The following CAMK1D variants were observed in gnomAD, a reference collection of about 807,000 sequenced individuals.
CAMK1D encodes calcium/calmodulin dependent protein kinase ID.
CAMK1D carries 9 observed loss-of-function variants against 47.7 expected under a neutral mutation model. That is an observed-to-expected ratio of 0.19 (90% CI 0.11 to 0.33). The LOEUF (loss-of-function observed/expected upper bound fraction) is 0.33, where lower values mean the gene tolerates loss of function less well. Ranked by LOEUF, CAMK1D falls within the 10% of genes least tolerant of loss-of-function variation. The pLI, the probability that CAMK1D is intolerant of heterozygous loss-of-function variation, is 1.00. For missense variants in CAMK1D, 291 were observed against 488.7 expected, an observed-to-expected ratio of 0.60 and a Z score of 3.81; for synonymous variants, 184 against 184.9, an observed-to-expected ratio of 0.99 and a Z score of 0.04.
chr10:12,444,873 G>A (rs1426861963), intron 1 of CAMK1D, among the ~76,000 whole-genome samples: 1 of 152,192 alleles, frequency 6.6e-6, no homozygotes, highest in African/African-American at 2.4e-5. Context: ...AGATTAGACA[G>A]TAAAGGTGCC....
rs148735631 is a variant in CAMK1D, at chr10:12,375,880, C to T, written c.92+25970C>T. 7.2e-5 allele frequency among the ~76,000 whole-genome samples: 11 copies of T among 152,090 alleles called. No individual in the cohort carries two copies. The East Asian group carries it at 2.1e-3, about 29-fold the overall frequency. ...CCGATTTCTCTAAAACCAGAGCATGCAGCCGGGCACGGTGGCTCACACCTA... is the reference window on the plus strand; with the variant it reads ...CCGATTTCTCTAAAACCAGAGCATGTAGCCGGGCACGGTGGCTCACACCTA... On this transcript the variant is annotated intron_variant, in intron 1 of 10. Coordinates refer to ENST00000619168, the MANE Select transcript of CAMK1D (RefSeq NM_153498.4).
intron 2 of CAMK1D, among the ~76,000 whole-genome samples, chr10:12,563,794 A>G (rs1837031915): frequency 6.6e-6 from 1 of 152,190 alleles, no homozygotes; most frequent in Admixed American, 6.5e-5. Flanking sequence ...TATACTATAC[A>G]TATTACTCTG....
At chr10:12,678,435 G>A (rs1171825248) in intron 3 of CAMK1D, among the ~76,000 whole-genome samples, 1 of 152,148 alleles carries the variant, frequency 6.6e-6, no homozygotes, top group Non-Finnish European at 1.5e-5. Flanking sequence ...TATTCCACAC[G>A]AACTTGAGAA....
intron 3 of CAMK1D, among the ~76,000 whole-genome samples, chr10:12,690,083 G>GT (rs1274688758): frequency 6.6e-6 from 1 of 152,200 alleles, no homozygotes; most frequent in African/African-American, 2.4e-5. Flanking sequence ...CTCTGTGGCT[G>GT]TGGCTGGTCA....
intron 2 of CAMK1D, among the ~76,000 whole-genome samples, chr10:12,641,095 G>A (rs1245516630): frequency 2.0e-5 from 3 of 151,844 alleles, no homozygotes; most frequent in Admixed American, 1.3e-4. Flanking sequence ...TCAGCCTCCC[G>A]AGTAGCTAGG....
At chr10:12,660,257 T>C (rs1840237617) in intron 2 of CAMK1D, among the ~76,000 whole-genome samples, 1 of 152,216 alleles carries the variant, frequency 6.6e-6, no homozygotes, top group Non-Finnish European at 1.5e-5. Flanking sequence ...TGTGCTTTGC[T>C]TTTTCTTTCT....
chr10:12,721,020 G>T (rs1834347441), intron 3 of CAMK1D, among the ~76,000 whole-genome samples: 1 of 152,208 alleles, frequency 6.6e-6, no homozygotes, highest in Non-Finnish European at 1.5e-5. Context: ...GACCTGCAGG[G>T]CTTTTGTTGT....
At chr10:12,544,426 A>G (rs1336982637) in intron 1 of CAMK1D, among the ~76,000 whole-genome samples, 1 of 152,224 alleles carries the variant, frequency 6.6e-6, no homozygotes, top group East Asian at 1.9e-4. Context: ...AATTTTACTT[A>G]TTCAACAAGG....
intron 3 of CAMK1D, among the ~76,000 whole-genome samples, chr10:12,716,436 C>T (rs1834140213): frequency 6.6e-6 from 1 of 152,172 alleles, no homozygotes; most frequent in South Asian, 2.1e-4. Flanking sequence ...TGCACTGGGC[C>T]TGCCTACTGT....
chr10:12,426,899 G>T (rs1172490994), intron 1 of CAMK1D, among the ~76,000 whole-genome samples: 1 of 152,146 alleles, frequency 6.6e-6, no homozygotes, highest in Admixed American at 6.5e-5. Flanking sequence ...AATTTTAGTA[G>T]AGACAGGCTG....
chr10:12,831,653 G>A lies in CAMK1D; in HGVS notation c.*2766G>A, dbSNP rs539471298. ...CCATGCTTGGCCTGTCACACGCCGG[G>A]TCTCAACAACATCGTGCGAGGAGAC... On this transcript the variant is annotated 3_prime_UTR_variant, in exon 11 of 11. Transcript: ENST00000619168. The A allele has an allele frequency of 6.6e-6, 1 of 152,212 alleles. No individual in the cohort carries two copies. The highest frequency in any genetic ancestry group is 2.4e-5 in the African/African-American group (1 of 41,430). 9.4% of individuals were successfully genotyped at this position (152,212 alleles called of 1,614,324 possible). A position where few individuals can be genotyped will look rare whatever the true frequency, so the allele number is the denominator to read the frequency against.
At chr10:12,811,673 C>G (rs1832612239) in intron 6 of CAMK1D, among the ~76,000 whole-genome samples, 1 of 152,148 alleles carries the variant, frequency 6.6e-6, no homozygotes, top group Non-Finnish European at 1.5e-5. Flanking sequence ...TCGGAATTTT[C>G]TTAAAGAATT....
chr10:12,728,280 C>T lies in CAMK1D; in HGVS notation c.300-32668C>T, dbSNP rs369741505. Among the ~76,000 whole-genome samples, 18 of 152,330 alleles carry T rather than the reference C, an allele frequency of 1.2e-4. 1 individual carries two copies. The highest frequency in any genetic ancestry group is 6.5e-4 in the Admixed American group (10 of 15,300). ...AAGATGCTGCATGTTTTTCTAGCTACCCTCTTGGTGCTAACATCTTGCAGG... is the reference window on the plus strand; with the variant it reads ...AAGATGCTGCATGTTTTTCTAGCTATCCTCTTGGTGCTAACATCTTGCAGG... On this transcript the variant is annotated intron_variant, in intron 3 of 10. Coordinates refer to ENST00000619168, the MANE Select transcript of CAMK1D (RefSeq NM_153498.4).
intron 1 of CAMK1D, among the ~76,000 whole-genome samples, chr10:12,515,007 C>A (rs1588575504): frequency 6.8e-6 from 1 of 147,674 alleles, no homozygotes. Flanking sequence ...TGCACCACCA[C>A]ACCTGGCTAA....
At chr10:12,617,275 A>G (rs1838852821) in intron 2 of CAMK1D, among the ~76,000 whole-genome samples, 2 of 152,236 alleles carry the variant, frequency 1.3e-5, no homozygotes, top group South Asian at 4.1e-4. Context: ...ATTTTTTCAC[A>G]ACAAGAAAAG....
chr10:12,658,730 C>T (rs1840188619), intron 2 of CAMK1D, among the ~76,000 whole-genome samples: 1 of 152,084 alleles, frequency 6.6e-6, no homozygotes, highest in Non-Finnish European at 1.5e-5. Flanking sequence ...TTGGCTGGGG[C>T]AGTTGGAGGA....
intron 1 of CAMK1D, among the ~76,000 whole-genome samples, chr10:12,456,838 G>A (rs1251718217): frequency 6.7e-6 from 1 of 150,210 alleles, no homozygotes; most frequent in Non-Finnish European, 1.5e-5. Context: ...AACCCTACAG[G>A]AGGGGCATCT....
At chr10:12,814,741 T>G (rs541090171) in intron 7 of CAMK1D, among the ~76,000 whole-genome samples, 23 of 151,812 alleles carry the variant, frequency 1.5e-4, no homozygotes, top group Non-Finnish European at 3.2e-4. Flanking sequence ...TCACATTGGT[T>G]GGGATTTCAG....
intron 1 of CAMK1D, among the ~76,000 whole-genome samples, chr10:12,396,369 C>T (rs1013871001): frequency 1.1e-4 from 17 of 152,196 alleles, no homozygotes; most frequent in African/African-American, 4.1e-4. Context: ...CCAAAATCGT[C>T]ATTTTTCTCG....
Sources: gnomAD v4.1 joint callset for allele counts (sites outside exome capture counted in the v4.1 genomes callset) on GRCh38, gnomAD v4.1.1 for gene constraint, MANE v1.5 for transcripts, NCBI Gene and HGNC (gene_info 2026-07-23, HGNC 2026-07-21) for gene names.